The following TG variants were observed in gnomAD, a reference collection of about 807,000 sequenced individuals.
TG encodes thyroglobulin.
TG carries 270 observed loss-of-function variants against 324.7 expected under a neutral mutation model. That is an observed-to-expected ratio of 0.83 (90% CI 0.75 to 0.92). TG has a LOEUF of 0.92. Among genes scored for constraint, TG ranks in the 40% least tolerant of loss-of-function variants. The probability of loss-of-function intolerance (pLI) is 0.00; values close to 1 mark genes in which losing one functional copy is unlikely to be tolerated. For missense variants in TG, 3,591 were observed against 3,456.4 expected (o/e 1.04, Z -0.98); for synonymous variants, 1,401 against 1,327.0 (o/e 1.06, Z -1.21).
intron 5 of TG, among the ~76,000 whole-genome samples, chr8:132,873,803 G>T (rs760382367): frequency 6.6e-5 from 10 of 152,188 alleles, no homozygotes; most frequent in Non-Finnish European, 7.3e-5. Context: ...TGAGCACAGA[G>T]GGTAAGAGGA....
At chr8:132,994,132 G>A (rs1431315329) in intron 35 of TG, among the ~76,000 whole-genome samples, 1 of 152,094 alleles carries the variant, frequency 6.6e-6, no homozygotes, top group Non-Finnish European at 1.5e-5. Flanking sequence ...GCAGGACACT[G>A]TGATGAAAAA....
intron 8 of TG, among the ~76,000 whole-genome samples, chr8:132,885,588 A>G (rs1212525570): frequency 6.6e-6 from 1 of 152,220 alleles, no homozygotes; most frequent in African/African-American, 2.4e-5. Context: ...CTAAAATCAC[A>G]TAGTGAAGCA....
intron 41 of TG, among the ~76,000 whole-genome samples, chr8:133,056,819 G>A (rs760709173): frequency 3.0e-4 from 46 of 152,208 alleles, no homozygotes; most frequent in Non-Finnish European, 6.2e-4. Context: ...CTCTCGTTGT[G>A]TGTCAGTGCA....
At chr8:132,962,781 T>C (rs560565947) in intron 28 of TG, among the ~76,000 whole-genome samples, 50 of 152,316 alleles carry the variant, frequency 3.3e-4, no homozygotes, top group Middle Eastern at 3.4e-3. Flanking sequence ...ATAATTTCAA[T>C]ATCACAGATA....
intron 41 of TG, chr8:133,073,360 T>C (rs1156884494): frequency 6.6e-6 from 1 of 152,192 alleles, no homozygotes; most frequent in Non-Finnish European, 1.5e-5. Context: ...AGAATTCTTC[T>C]TCTTATTTTT....
intron 27 of TG, among the ~76,000 whole-genome samples, chr8:132,960,633 C>T (rs1827606136): frequency 6.6e-6 from 1 of 152,194 alleles, no homozygotes; most frequent in Non-Finnish European, 1.5e-5. Flanking sequence ...TCCACATTTA[C>T]CAATGAGGCA....
chr8:133,091,895 ATGAC>A (rs1049116160), intron 41 of TG, among the ~76,000 whole-genome samples: 13 of 151,222 alleles, frequency 8.6e-5, no homozygotes, highest in Admixed American at 4.0e-4. Context: ...GTCTCTATCT[ATGAC>A]TGTGTGTCTC....
At chr8:132,904,071 G>T (rs1818320518) in intron 16 of TG, among the ~76,000 whole-genome samples, 1 of 152,190 alleles carries the variant, frequency 6.6e-6, no homozygotes, top group South Asian at 2.1e-4. Flanking sequence ...TAGCCTGGTA[G>T]CTCAGAGCAC....
intron 41 of TG, among the ~76,000 whole-genome samples, chr8:133,054,856 C>G (rs934933299): frequency 6.6e-6 from 1 of 152,162 alleles, no homozygotes; most frequent in African/African-American, 2.4e-5. Flanking sequence ...AGGACGGGCC[C>G]TTTTGTAAAC....
chr8:133,094,114 A>G (rs1287905666), intron 41 of TG, among the ~76,000 whole-genome samples: 1 of 152,028 alleles, frequency 6.6e-6, no homozygotes, highest in Non-Finnish European at 1.5e-5. Context: ...ACTGGTCAGG[A>G]CCCCACTCAG....
At chr8:133,055,359 ACGCG>A (rs150703045) in intron 41 of TG, among the ~76,000 whole-genome samples, 15,204 of 86,660 alleles carry the variant, frequency 0.18, 997 homozygotes, top group Non-Finnish European at 0.21. Flanking sequence ...ACACACACGC[ACGCG>A]CGCACACACA....
At chr8:133,008,096 C>T (rs1252794599) in intron 35 of TG, among the ~76,000 whole-genome samples, 1 of 152,148 alleles carries the variant, frequency 6.6e-6, no homozygotes, top group East Asian at 1.9e-4. Flanking sequence ...TTAATGGCAT[C>T]AAATATTAAG....
chr8:132,928,926 A>G (rs916935773), intron 22 of TG, 150 bp from the exon 23 acceptor site: 9 of 705,488 alleles, frequency 1.3e-5, no homozygotes, highest in Non-Finnish European at 2.1e-5. Flanking sequence ...TGTTGGAGCT[A>G]CCTTACAAAG....
At position 132,983,432 on chromosome 8, in the gene TG, A is replaced by G; in HGVS notation, c.6262+20A>G. 1.2e-6 allele frequency: 2 copies of G among 1,609,294 alleles called. No homozygotes were observed. The highest frequency in any genetic ancestry group is 1.3e-5 in the African/African-American group (1 of 74,870). On this transcript the variant is annotated intron_variant, in intron 35 of 47. Coordinates refer to ENST00000220616, the MANE Select transcript of TG (RefSeq NM_003235.5). ...AGAAAGGTAAGTTCATTGTCTTTTT[A>G]TCTCTTGGATGAGAGTACCCCCTCA...
chr8:132,956,761 G>T (rs952177606), intron 27 of TG, among the ~76,000 whole-genome samples: 1 of 152,104 alleles, frequency 6.6e-6, no homozygotes, highest in African/African-American at 2.4e-5. Context: ...ATGAGTACCT[G>T]GGGGCTATGT....
At chr8:132,871,290 C>T in intron 3 of TG, 58 bp from the exon 4 acceptor site, 1 of 1,574,758 alleles carries the variant, frequency 6.4e-7, no homozygotes. Context: ...TTTTCCTGGG[C>T]TCTGCCCCCT....
rs187306812 is a variant in TG, at chr8:132,962,414, A to T, written c.5468-580A>T. 2.3e-4 allele frequency among the ~76,000 whole-genome samples: 35 copies of T among 152,274 alleles called. No homozygotes were observed. The East Asian group carries it at 5.4e-3, about 24-fold the overall frequency. On this transcript the variant is annotated intron_variant, in intron 28 of 47. Transcript: ENST00000220616. ...GGAGATCCCAAGTCCAGTACTTCCT[A>T]GTTATCAGAAATTTCTGATAAAGTG...
intron 41 of TG, among the ~76,000 whole-genome samples, chr8:133,091,008 T>G (rs1847422635): frequency 6.6e-6 from 1 of 152,150 alleles, no homozygotes; most frequent in Non-Finnish European, 1.5e-5. Flanking sequence ...TCTAGGGAAG[T>G]GGCTTCAACT....
chr8:133,133,328 T>G, intron 46 of TG, 142 bp from the exon 47 acceptor site: 1 of 850,290 alleles, frequency 1.2e-6, no homozygotes, highest in Non-Finnish European at 2.0e-6. Flanking sequence ...AGAAGCCAGA[T>G]TTAGGGAGTT....
Sources: allele counts gnomAD v4.1 joint callset (sites outside exome capture counted in the v4.1 genomes callset), GRCh38; gene constraint gnomAD v4.1.1; transcripts MANE v1.5; gene names NCBI Gene and HGNC (gene_info 2026-07-23, HGNC 2026-07-21).